Variants in BCAS3 observed in about 807,000 individuals in gnomAD.
BCAS3 encodes the protein BCAS3 microtubule associated cell migration factor.
Under a neutral mutation model 116.1 loss-of-function variants are expected in BCAS3, and 53 were observed. That is an observed-to-expected ratio of 0.46 (90% CI 0.37 to 0.57). The LOEUF (loss-of-function observed/expected upper bound fraction) is 0.57. BCAS3 is among the 20% of genes least tolerant of loss of function. BCAS3 has a pLI of 0.00. For missense variants in BCAS3, 917 were observed against 1,165.4 expected, an observed-to-expected ratio of 0.79 and a Z score of 3.10; for synonymous variants, 391 against 408.2, an observed-to-expected ratio of 0.96 and a Z score of 0.51.
At chr17:61,129,797 C>T (rs563711897) in intron 22 of BCAS3, among the ~76,000 whole-genome samples, 1 of 152,344 alleles carries the variant, frequency 6.6e-6, no homozygotes, top group African/African-American at 2.4e-5. Context: ...TTGGAACTTA[C>T]AATCTGAGTA....
intron 9 of BCAS3, among the ~76,000 whole-genome samples, chr17:60,889,016 C>T (rs1168222781): frequency 4.6e-5 from 7 of 152,088 alleles, no homozygotes; most frequent in Non-Finnish European, 7.4e-5. Flanking sequence ...CGAAGAAAAC[C>T]GATTCTTCAA....
chr17:60,857,282 C>A (rs2053762603), intron 7 of BCAS3, among the ~76,000 whole-genome samples: 1 of 152,164 alleles, frequency 6.6e-6, no homozygotes. Flanking sequence ...TTTCCTACAG[C>A]CTCTGATATT....
rs372355566 is a variant in BCAS3 at position 61,278,259 on chromosome 17, T to C, written c.2426-90068T>C. ...GGTTTCACCATGTTGGCCAGGCTGG[T>C]CTTGAACTCCTGACCTTGTGATCCG... On this transcript the variant is annotated intron_variant, in intron 22 of 23. Coordinates refer to ENST00000407086, the MANE Select transcript of BCAS3 (RefSeq NM_017679.5). The surrounding 1 kb of genome is among the most constrained non-coding windows in gnomAD (Gnocchi z 5.8). 7.2e-5 allele frequency among the ~76,000 whole-genome samples: 11 copies of C among 152,292 alleles called. No individual in the cohort carries two copies. In the South Asian group the frequency reaches 2.3e-3, roughly 32 times the overall value.
At chr17:60,872,347 A>G (rs1782196929) in intron 8 of BCAS3, among the ~76,000 whole-genome samples, 1 of 151,812 alleles carries the variant, frequency 6.6e-6, no homozygotes, top group Admixed American at 6.6e-5. Context: ...ACACATACAC[A>G]CACCCCATAT....
Position 61,105,948 on chromosome 17 carries a change from C to G in BCAS3, c.2425+21384C>G, listed in dbSNP as rs140730824. Among the ~76,000 whole-genome samples, 56 of 152,270 alleles carry G rather than the reference C, an allele frequency of 3.7e-4. No homozygotes were observed. The East Asian group carries it at 0.011, about 29-fold the overall frequency. ...GCCTTTCTGAGTAGCCTGGTGAAAT[C>G]TTACAGCATCCCTCCCAGACCGTGA... On this transcript the variant is annotated intron_variant, in intron 22 of 23. Coordinates refer to ENST00000407086, the MANE Select transcript of BCAS3 (RefSeq NM_017679.5). This position sits in a 1 kb window ranked among gnomAD's most constrained non-coding sequence, Gnocchi z 4.3.
chr17:60,981,282 A>ATT (rs559821390), intron 14 of BCAS3, among the ~76,000 whole-genome samples: 3 of 144,936 alleles, frequency 2.1e-5, no homozygotes, highest in Admixed American at 6.9e-5. Flanking sequence ...TTTTAAGTGT[A>ATT]TTTTTTTTTT....
chr17:61,174,769 C>T (rs779826067), intron 22 of BCAS3, among the ~76,000 whole-genome samples: 2 of 152,106 alleles, frequency 1.3e-5, no homozygotes, highest in African/African-American at 4.8e-5. Flanking sequence ...CAAAGAGATT[C>T]TCTTCCCTGC....
At chr17:61,314,454 ATGT>A (rs1378224786) in intron 22 of BCAS3, among the ~76,000 whole-genome samples, 1 of 152,192 alleles carries the variant, frequency 6.6e-6, no homozygotes. Context: ...CTCTAAGAAC[ATGT>A]TGTGGGAGAA....
chr17:60,709,975 G>C (rs1011702313), intron 5 of BCAS3, among the ~76,000 whole-genome samples: 10 of 152,118 alleles, frequency 6.6e-5, no homozygotes, highest in African/African-American at 2.2e-4. Flanking sequence ...TCTTCCAGTA[G>C]ATGAGTGGGC....
chr17:61,223,923 C>G (rs1055661905), intron 22 of BCAS3, among the ~76,000 whole-genome samples: 1 of 152,314 alleles, frequency 6.6e-6, no homozygotes. Flanking sequence ...AGCAGCAGAG[C>G]TGGAACCCAG....
chr17:61,213,755 A>G lies in BCAS3; in HGVS notation c.2425+129191A>G, dbSNP rs1180959346. Reference sequence around the variant, plus strand: ...GCAGAGACTGGATTAGAACACACACATTCAGAATTTTCTGGATGTGGTTTA... The same window carrying G: ...GCAGAGACTGGATTAGAACACACACGTTCAGAATTTTCTGGATGTGGTTTA... On this transcript the variant is annotated intron_variant, in intron 22 of 23. Coordinates refer to ENST00000407086, the MANE Select transcript of BCAS3 (RefSeq NM_017679.5). This position sits in a 1 kb window ranked among gnomAD's most constrained non-coding sequence, Gnocchi z 5.4. Among the ~76,000 whole-genome samples, 1 of 152,180 alleles carries G rather than the reference A, an allele frequency of 6.6e-6. No individual in the cohort carries two copies. Among genetic ancestry groups the G allele is most frequent in the Non-Finnish European group, 1.5e-5 (1 of 68,034 alleles).
chr17:61,044,727 C>T (rs1424288478), intron 19 of BCAS3, among the ~76,000 whole-genome samples: 1 of 151,172 alleles, frequency 6.6e-6, no homozygotes, highest in East Asian at 1.9e-4. Context: ...AATTATTATA[C>T]TTGCTCTTAT....
chr17:61,306,660 A>G (rs2053878278), intron 22 of BCAS3, among the ~76,000 whole-genome samples: 1 of 152,022 alleles, frequency 6.6e-6, no homozygotes, highest in South Asian at 2.1e-4. Flanking sequence ...CTTAGAGTAG[A>G]TCCTACTCGG....
chr17:61,230,921 C>T (rs2082637418), intron 22 of BCAS3, among the ~76,000 whole-genome samples: 2 of 150,768 alleles, frequency 1.3e-5, no homozygotes, highest in Non-Finnish European at 2.9e-5. Context: ...TATAAGCATT[C>T]CCTTTTCTCT....
At chr17:61,320,478 G>A (rs760118000) in intron 22 of BCAS3, among the ~76,000 whole-genome samples, 6 of 152,032 alleles carry the variant, frequency 3.9e-5, no homozygotes, top group Admixed American at 1.3e-4. Context: ...TCAGGAGATC[G>A]AGACCATCCT....
chr17:60,919,328 A>AT (rs202133137), intron 12 of BCAS3, among the ~76,000 whole-genome samples: 4 of 149,214 alleles, frequency 2.7e-5, no homozygotes, highest in East Asian at 2.0e-4. Context: ...AACACTTCTA[A>AT]TTTTTTTTTT....
intron 6 of BCAS3, among the ~76,000 whole-genome samples, chr17:60,764,148 T>C (rs1317233399): frequency 7.0e-6 from 1 of 143,822 alleles, no homozygotes; most frequent in Non-Finnish European, 1.5e-5. Flanking sequence ...AACCAGATCC[T>C]GGATTCATTG....
chr17:61,020,755 A>C lies in BCAS3; in HGVS notation c.1637+4854A>C, dbSNP rs533203954. ...TATTTTCTATGTAACAATTCACAAA[A>C]AAATGTTCATCAATGAGCTTAATTT... On this transcript the variant is annotated intron_variant, in intron 16 of 23. Transcript: ENST00000407086. The surrounding 1 kb of genome is among the most constrained non-coding windows in gnomAD (Gnocchi z 4.5). Among the ~76,000 whole-genome samples the C allele has an allele frequency of 1.3e-5, 2 of 152,348 alleles. No individual in the cohort carries two copies. The highest frequency in any genetic ancestry group is 1.9e-4 in the East Asian group (1 of 5,186).
At chr17:61,292,141 A>G (rs1187080953) in intron 22 of BCAS3, among the ~76,000 whole-genome samples, 1 of 152,102 alleles carries the variant, frequency 6.6e-6, no homozygotes, top group Non-Finnish European at 1.5e-5. Context: ...TGCTGGGATC[A>G]TTTAGGAGAA....
Sources: gnomAD v4.1 joint callset for allele counts (sites outside exome capture counted in the v4.1 genomes callset) on GRCh38, gnomAD v4.1.1 for gene constraint, Gnocchi (gnomAD v3.1) non-coding constraint, MANE v1.5 for transcripts, NCBI Gene and HGNC (gene_info 2026-07-23, HGNC 2026-07-21) for gene names.